UGT1A9: variants seen among roughly 807,000 people sequenced by gnomAD.
The protein encoded by UGT1A9 is UDP glucuronosyltransferase family 1 member A9.
In UGT1A9, 35 loss-of-function variants were observed where a neutral mutation model predicts 45.0. The observed-to-expected ratio is 0.78, with a 90% CI of 0.59 to 1.03. The LOEUF (loss-of-function observed/expected upper bound fraction) is 1.03, where lower values mean the gene tolerates loss of function less well. UGT1A9 is among the 50% of genes least tolerant of loss of function. The pLI, the probability that UGT1A9 is intolerant of heterozygous loss-of-function variation, is 0.00. For missense variants in UGT1A9, 687 were observed against 666.6 expected, an observed-to-expected ratio of 1.03 and a Z score of -0.34; for synonymous variants, 278 against 250.6, an observed-to-expected ratio of 1.11 and a Z score of -1.03.
chr2:233,693,094 G>T, intron 1 of UGT1A9: 2 of 1,614,170 alleles, frequency 1.2e-6, no homozygotes, highest in Non-Finnish European at 1.7e-6. Flanking sequence ...ACAAGCTGCT[G>T]GTGGTCCCTC....
At chr2:233,720,428 A>C (rs1040145834) in intron 1 of UGT1A9, among the ~76,000 whole-genome samples, 1 of 152,036 alleles carries the variant, frequency 6.6e-6, no homozygotes, top group Non-Finnish European at 1.5e-5. Context: ...AGGAGATAAG[A>C]CCGTGAATCT....
chr2:233,694,012 A>T, intron 1 of UGT1A9: 1 of 1,424,192 alleles, frequency 7.0e-7, no homozygotes. Context: ...AGCAGCGGGA[A>T]CACATAGGAG....
chr2:233,771,360 A>G (rs1369585648), intron 4 of UGT1A9: 1 of 151,838 alleles, frequency 6.6e-6, no homozygotes, highest in African/African-American at 2.4e-5. Flanking sequence ...GGGTTGAAGC[A>G]CCTAACCCGT....
chr2:233,752,917 C>T (rs758108184), intron 1 of UGT1A9, among the ~76,000 whole-genome samples: 1 of 152,208 alleles, frequency 6.6e-6, no homozygotes, highest in Non-Finnish European at 1.5e-5. Flanking sequence ...CTCTGAGTGA[C>T]ACTGGTATGC....
Position 233,744,108 on chromosome 2 carries a change from T to A in UGT1A9, c.856-22926T>A, listed in dbSNP as rs537609237. 59 of 394,748 alleles carry A rather than the reference T, an allele frequency of 1.5e-4. No individual in the cohort carries two copies. The East Asian group carries it at 2.4e-3, about 16-fold the overall frequency. The allele number at this position is 394,748 out of a possible 1,614,324, so 24.5% of individuals were successfully genotyped here. On this transcript the variant is annotated intron_variant, in intron 1 of 4. Coordinates refer to ENST00000354728, the MANE Select transcript of UGT1A9 (RefSeq NM_021027.3). ...GATGCAGTGCTTCTGGGACTGGCCC[T>A]GCTCTCTGTGAGGCTCTGTGAGGCC...
Position 233,689,914 on chromosome 2 carries a change from T to C in UGT1A9, c.855+17125T>C, listed in dbSNP as rs1281496187. The C allele has an allele frequency of 8.8e-6, 4 of 456,730 alleles. No individual in the cohort carries two copies. The Admixed American group carries it at 9.4e-5, about 11-fold the overall frequency. 28.3% of individuals were successfully genotyped at this position (456,730 alleles called of 1,614,324 possible). A position where few individuals can be genotyped will look rare whatever the true frequency, so the allele number is the denominator to read the frequency against. ...TATTTCTCAGGGCCAGGTAGGTGCC[T>C]GGAATTTCCTTCGAAAGAACCCAAG... On this transcript the variant is annotated intron_variant, in intron 1 of 4. Coordinates refer to ENST00000354728, the MANE Select transcript of UGT1A9 (RefSeq NM_021027.3).
intron 1 of UGT1A9, among the ~76,000 whole-genome samples, chr2:233,696,927 TA>T (rs2075366048): frequency 6.6e-6 from 1 of 152,164 alleles, no homozygotes; most frequent in Non-Finnish European, 1.5e-5. Flanking sequence ...AATATATCAA[TA>T]AATGCATCAG....
intron 2 of UGT1A9, 91 bp from the exon 3 acceptor site, chr2:233,767,758 G>A: frequency 6.2e-7 from 1 of 1,604,004 alleles, no homozygotes. Context: ...TGTTCCTTCA[G>A]AGGACCCCTG....
At chr2:233,679,600 A>G (rs184238893) in intron 1 of UGT1A9, among the ~76,000 whole-genome samples, 52 of 152,000 alleles carry the variant, frequency 3.4e-4, no homozygotes, top group African/African-American at 1.2e-3. Context: ...TGTCATCTGT[A>G]TTAAAACCCT....
At position 233,769,774 on chromosome 2, in the gene UGT1A9, G is replaced by C; in HGVS notation, c.1295+1335G>C. The C allele has an allele frequency of 7.3e-7, 1 of 1,375,358 alleles. No homozygotes were observed. Among genetic ancestry groups the C allele is most frequent in the Non-Finnish European group, 9.5e-7 (1 of 1,052,824 alleles). 85.2% of individuals were successfully genotyped at this position (1,375,358 alleles called of 1,614,324 possible). ...GGAGGCTAAGGCGGGAGGATTGCTT[G>C]AGCCCAGAAGTTGGAGGCTGCTATG... On this transcript the variant is annotated intron_variant, in intron 4 of 4. Transcript: ENST00000354728. This position sits in a 1 kb window ranked among gnomAD's most constrained non-coding sequence, Gnocchi z 4.4.
chr2:233,738,651 A>G (rs1690862678), intron 1 of UGT1A9, among the ~76,000 whole-genome samples: 1 of 152,234 alleles, frequency 6.6e-6, no homozygotes, highest in Non-Finnish European at 1.5e-5. Context: ...GCTCTTTGGA[A>G]CTACGAACTT....
At chr2:233,706,326 T>A (rs559515349) in intron 1 of UGT1A9, among the ~76,000 whole-genome samples, 1 of 152,306 alleles carries the variant, frequency 6.6e-6, no homozygotes, top group East Asian at 1.9e-4. Flanking sequence ...TTGGAACTAT[T>A]CAAGCTGGTG....
intron 1 of UGT1A9, chr2:233,693,486 A>C: frequency 6.2e-7 from 1 of 1,614,088 alleles, no homozygotes; most frequent in Non-Finnish European, 8.5e-7. Flanking sequence ...ATCCTGGCTG[A>C]GTATTTGGGC....
intron 1 of UGT1A9, among the ~76,000 whole-genome samples, chr2:233,712,397 G>C (rs1221786443): frequency 2.6e-5 from 4 of 152,200 alleles, no homozygotes. Context: ...ACTTCAGAGA[G>C]AGTCCTCTTT....
At chr2:233,735,242 T>C (rs989843667) in intron 1 of UGT1A9, among the ~76,000 whole-genome samples, 1 of 152,236 alleles carries the variant, frequency 6.6e-6, no homozygotes, top group Non-Finnish European at 1.5e-5. Context: ...CTCTTGTTGT[T>C]GAATTGCTCC....
At chr2:233,697,825 A>T (rs929296446) in intron 1 of UGT1A9, among the ~76,000 whole-genome samples, 4 of 152,164 alleles carry the variant, frequency 2.6e-5, no homozygotes, top group Admixed American at 1.3e-4. Context: ...ATTTCAAGAA[A>T]ATCTAATTAA....
Position 233,672,147 on chromosome 2 carries a change from T to A in UGT1A9, c.213T>A (p.Asn71Lys). The A allele has an allele frequency of 6.2e-7, 1 of 1,614,166 alleles. No individual in the cohort carries two copies. The highest frequency in any genetic ancestry group is 8.5e-7 in the Non-Finnish European group (1 of 1,180,014). ...GTTGGCAACTGGGAAGATCACTGAA[T>A]TGCACAGTGAAGACTTATTCAACTT... is the stretch of plus-strand genomic sequence containing the variant. ...EVSWQLGRSL[N>K]CTVKTYSTSY... The change falls in exon 1 of 5, where the codon AAT (asparagine) becomes AAA (lysine). Residue 71 changes from asparagine to lysine, a missense_variant. Coordinates refer to ENST00000354728, the MANE Select transcript of UGT1A9 (RefSeq NM_021027.3).
intron 1 of UGT1A9, among the ~76,000 whole-genome samples, chr2:233,695,128 T>C (rs2075262409): frequency 9.2e-6 from 1 of 109,188 alleles, no homozygotes; most frequent in African/African-American, 4.0e-5. Context: ...CCCTTTTCTT[T>C]TCTTTTTTTT....
At chr2:233,756,537 A>T (rs1326089003) in intron 1 of UGT1A9, among the ~76,000 whole-genome samples, 8 of 152,122 alleles carry the variant, frequency 5.3e-5, no homozygotes, top group Non-Finnish European at 1.2e-4. Context: ...ACTTTTCTTG[A>T]CTGCTAAAAC....
Sources: gnomAD v4.1 joint callset for allele counts (sites outside exome capture counted in the v4.1 genomes callset) on GRCh38, gnomAD v4.1.1 for gene constraint, Gnocchi (gnomAD v3.1) non-coding constraint, MANE v1.5 for transcripts, NCBI Gene and HGNC (gene_info 2026-07-23, HGNC 2026-07-21) for gene names.